The following NCAM1 variants were observed in gnomAD, a reference collection of about 807,000 sequenced individuals.
The protein encoded by NCAM1 is antigen recognized by monoclonal antibody 5.1H11.
A neutral mutation model predicts 109.8 loss-of-function variants in NCAM1; 14 were observed. The observed-to-expected ratio is 0.13, with a 90% confidence interval of 0.08 to 0.20. The LOEUF is 0.20. NCAM1 is among the 10% of genes least tolerant of loss of function. NCAM1 has a pLI of 1.00. For synonymous variants in NCAM1, 418 were observed against 442.9 expected (o/e 0.94, Z 0.70); for missense variants, 774 against 1,109.9 (o/e 0.70, Z 4.30).
intron 1 of NCAM1, among the ~76,000 whole-genome samples, chr11:113,027,337 G>GT (rs1952578363): frequency 6.6e-6 from 1 of 152,192 alleles, no homozygotes; most frequent in Admixed American, 6.5e-5. Context: ...CATAACCAAT[G>GT]TTGTAGGAAT....
At chr11:113,110,572 G>C (rs143262678) in intron 1 of NCAM1, among the ~76,000 whole-genome samples, 17 of 152,256 alleles carry the variant, frequency 1.1e-4, no homozygotes, top group African/African-American at 4.1e-4. Flanking sequence ...TTCACTAAAG[G>C]ATCGCTGGGT....
chr11:113,091,959 TA>T (rs1187048334), intron 1 of NCAM1, among the ~76,000 whole-genome samples: 1 of 152,108 alleles, frequency 6.6e-6, no homozygotes, highest in African/African-American at 2.4e-5. Context: ...AATTCTTTCT[TA>T]AGTAAAGATT....
chr11:113,058,633 T>G (rs1953801896), intron 1 of NCAM1, among the ~76,000 whole-genome samples: 1 of 152,228 alleles, frequency 6.6e-6, no homozygotes, highest in Admixed American at 6.5e-5. Flanking sequence ...CTTTCTTTCA[T>G]TATGTCATTG....
At position 113,012,007 on chromosome 11, in the gene NCAM1, C is replaced by CCTTCCTTCCTTG. The variant is rs1243482059; in HGVS notation, c.52+50350_52+50351insCCTTGCTTCCTT. Among the ~76,000 whole-genome samples the CCTTCCTTCCTTG allele has an allele frequency of 1.1e-3, 157 of 136,758 alleles. 2 individuals carry two copies. Among genetic ancestry groups the CCTTCCTTCCTTG allele is most frequent in the African/African-American group, 3.9e-3 (153 of 39,252 alleles). 89.7% of individuals were successfully genotyped at this position (136,758 alleles called of 152,430 possible). ...TCCTTCCTTCCTTCCTTCCTTCCTT[C>CCTTCCTTCCTTG]CTTCCTTTCTTTCCTCTTTCTTTTT... On this transcript the variant is annotated intron_variant, in intron 1 of 19. Coordinates refer to ENST00000316851, the MANE Select transcript of NCAM1 (RefSeq NM_181351.5).
chr11:113,133,782 A>G (rs147598417), intron 1 of NCAM1: 3 of 152,322 alleles, frequency 2.0e-5, no homozygotes, highest in Non-Finnish European at 2.9e-5. Context: ...TATTAAATAA[A>G]AAGGTGAGAG....
chr11:113,210,639 T>C (rs1565501932), intron 7 of NCAM1, among the ~76,000 whole-genome samples: 1 of 151,858 alleles, frequency 6.6e-6, no homozygotes, highest in Non-Finnish European at 1.5e-5. Context: ...GAGTAGTGAG[T>C]GCAGGGCCAT....
At chr11:113,183,433 A>C (rs1943393237) in intron 1 of NCAM1, among the ~76,000 whole-genome samples, 1 of 152,224 alleles carries the variant, frequency 6.6e-6, no homozygotes, top group South Asian at 2.1e-4. Context: ...TATTCACCTT[A>C]GGAAATACAC....
At chr11:113,237,875 TATATATAG>T (rs1555118533) in intron 14 of NCAM1, among the ~76,000 whole-genome samples, 1 of 44,352 alleles carries the variant, frequency 2.3e-5, no homozygotes, top group African/African-American at 5.5e-5. Context: ...GATATATAGA[TATATATAG>T]ATATATAGAT....
At chr11:113,116,282 CT>C (rs1301730072) in intron 1 of NCAM1, among the ~76,000 whole-genome samples, 2 of 152,132 alleles carry the variant, frequency 1.3e-5, no homozygotes, top group African/African-American at 4.8e-5. Context: ...AGTAAATAAT[CT>C]TTTGTCCATT....
At position 113,260,224 on chromosome 11, in the gene NCAM1, G is replaced by A. The variant is rs1379254721; in HGVS notation, c.2032G>A (p.Ala678Thr). The change falls in exon 17 of 20, where the codon GCT becomes ACT. Residue 678 changes from alanine (A) to threonine (T), a missense_variant. Ala to Thr is a moderately conservative substitution (Grantham distance 58). Around this residue, in one of 4 missense-constraint regions of NCAM1, gnomAD observed 523 missense variants for 784.2 expected, o/e 0.67. Coordinates refer to ENST00000316851, the MANE Select transcript of NCAM1 (RefSeq NM_181351.5). ...HVMLKSLDWN[A>T]EYEVYVVAEN... ...CATGCTGAAGTCCCTGGACTGGAAT[G>A]CTGAGTATGAGGTCTACGTGGTGGC... The A allele has an allele frequency of 1.9e-6, 3 of 1,613,990 alleles. No individual in the cohort carries two copies. The highest frequency in any genetic ancestry group is 2.5e-6 in the Non-Finnish European group (3 of 1,179,880).
At chr11:113,194,183 G>A (rs546403834) in intron 1 of NCAM1, among the ~76,000 whole-genome samples, 14 of 152,296 alleles carry the variant, frequency 9.2e-5, no homozygotes, top group African/African-American at 2.4e-4. Context: ...CTAGAGTTGC[G>A]TAGGATAGAG....
Position 113,273,373 on chromosome 11 carries a change from C to T in NCAM1, c.2456+1497C>T, listed in dbSNP as rs529316192. 865 of 330,962 alleles carry T rather than the reference C, an allele frequency of 2.6e-3. 3 individuals are homozygous for T. Among genetic ancestry groups the T allele is most frequent in the Non-Finnish European group, 4.3e-3 (720 of 166,114 alleles). 20.5% of individuals were successfully genotyped at this position (330,962 alleles called of 1,614,324 possible). ...ACCCCTGCACCAGTCCCCACCCCGA[C>T]TGGGGCAGCCAGTCCTCTAGCAGCA... On this transcript the variant is annotated intron_variant, in intron 19 of 19. Coordinates refer to ENST00000316851, the MANE Select transcript of NCAM1 (RefSeq NM_181351.5). The surrounding 1 kb of genome is among the most constrained non-coding windows in gnomAD (Gnocchi z 6.0).
At chr11:113,205,926 G>C (rs1214291188) in intron 4 of NCAM1, 117 bp from the exon 5 acceptor site, 2 of 1,306,160 alleles carry the variant, frequency 1.5e-6, no homozygotes, top group Non-Finnish European at 2.1e-6. Context: ...TTTCTTATTT[G>C]GGCTTAAAAC....
intron 1 of NCAM1, among the ~76,000 whole-genome samples, chr11:113,023,134 A>G (rs7926312): frequency 0.45 from 68,616 of 152,078 alleles, 16,364 homozygotes; most frequent in East Asian, 0.8. Context: ...TAGATACTAT[A>G]CTGTTTATGC....
At chr11:113,121,568 C>G (rs1940963352) in intron 1 of NCAM1, among the ~76,000 whole-genome samples, 1 of 139,600 alleles carries the variant, frequency 7.2e-6, no homozygotes, top group Non-Finnish European at 1.6e-5. Context: ...AGGCACTGTA[C>G]TCCAGAAAGG....
intron 1 of NCAM1, among the ~76,000 whole-genome samples, chr11:113,121,512 T>A (rs1438337231): frequency 1.6e-5 from 2 of 122,478 alleles, no homozygotes; most frequent in Non-Finnish European, 3.2e-5. Flanking sequence ...TGAGCCACTG[T>A]GCCTGGCCAA....
At position 112,961,503 on chromosome 11, in the gene NCAM1, G is replaced by T; in HGVS notation, c.-110G>T. On this transcript the variant is annotated 5_prime_UTR_variant, in exon 1 of 20. Transcript: ENST00000316851. ...TGCAAAAATAATCATACTCAGCCTG[G>T]CAATTGTCTGCCCCTAGGTCTGTCG... The T allele has an allele frequency of 1.2e-6, 1 of 804,750 alleles. No individual in the cohort carries two copies. The allele number at this position is 804,750 out of a possible 1,614,324, so 49.9% of individuals were successfully genotyped here. A position where few individuals can be genotyped will look rare whatever the true frequency, so the allele number is the denominator to read the frequency against.
chr11:113,052,046 T>C (rs1355624295), intron 1 of NCAM1, among the ~76,000 whole-genome samples: 8 of 152,196 alleles, frequency 5.3e-5, no homozygotes, highest in African/African-American at 1.9e-4. Flanking sequence ...GGTGCAACTT[T>C]AGGCAAGAGA....
intron 1 of NCAM1, among the ~76,000 whole-genome samples, chr11:113,040,513 T>G (rs1555079821): frequency 2.6e-5 from 4 of 152,216 alleles, no homozygotes; most frequent in African/African-American, 4.8e-5. Flanking sequence ...CCATAGACAA[T>G]GGCTGTGTTC....
Sources: gnomAD v4.1 joint callset for allele counts (sites outside exome capture counted in the v4.1 genomes callset) on GRCh38, gnomAD v4.1.1 for gene constraint, gnomAD v4.1.1 regional missense constraint, Gnocchi (gnomAD v3.1) non-coding constraint, MANE v1.5 for transcripts, NCBI Gene and HGNC (gene_info 2026-07-23, HGNC 2026-07-21) for gene names.